Variants in ZC3H6 observed in about 807,000 individuals in gnomAD.
ZC3H6 encodes zinc finger CCCH-type containing 6.
ZC3H6 carries 40 observed loss-of-function variants against 107.7 expected under a neutral mutation model. The observed-to-expected ratio is 0.37, with a 90% CI of 0.29 to 0.48. The LOEUF is 0.48. Among genes scored for constraint, ZC3H6 ranks in the 20% least tolerant of loss-of-function variants. ZC3H6 has a pLI of 0.98. For missense variants in ZC3H6, 1,267 were observed against 1,410.4 expected (o/e 0.90, Z 1.63); for synonymous variants, 493 against 487.9 (o/e 1.01, Z -0.14).
chr2:112,288,992 AC>A (rs1002611527), intron 1 of ZC3H6, among the ~76,000 whole-genome samples: 23 of 126,820 alleles, frequency 1.8e-4, no homozygotes, highest in Non-Finnish European at 1.5e-4. Flanking sequence ...CTCACTGCCC[AC>A]CCCCCCGCCA....
At position 112,300,043 on chromosome 2, in the gene ZC3H6, T is replaced by C; in HGVS notation, c.213+14T>C. On this transcript the variant is annotated intron_variant, in intron 2 of 11. Transcript: ENST00000409871. ...GAGAAACATAAGGTTAGTTAGAATC[T>C]ACTTTTTATTCTTTTGATAAATGTT... 7.4e-7 allele frequency: 1 copy of C among 1,353,770 alleles called. No individual in the cohort carries two copies. Among genetic ancestry groups the C allele is most frequent in the Non-Finnish European group, 9.6e-7 (1 of 1,039,972 alleles). 83.9% of individuals were successfully genotyped at this position (1,353,770 alleles called of 1,614,324 possible). A position where few individuals can be genotyped will look rare whatever the true frequency, so the allele number is the denominator to read the frequency against.
intron 1 of ZC3H6, among the ~76,000 whole-genome samples, chr2:112,285,833 C>A (rs542710185): frequency 1.3e-5 from 2 of 151,968 alleles, no homozygotes; most frequent in Non-Finnish European, 2.9e-5. Context: ...TGGTGGCATG[C>A]GCCTGTAATC....
rs1265522012 is a variant in ZC3H6 at position 112,333,066 on chromosome 2, TGTC to T, written c.*579_*581del. The stretch of plus-strand genomic sequence containing the variant: ...TATTTGTGTAAATGAAGCATTTGAA[TGTC>T]ATATCTTTTTAAAGTATTTTATTGT... On this transcript the variant is annotated 3_prime_UTR_variant, in exon 12 of 12. Coordinates refer to ENST00000409871, the MANE Select transcript of ZC3H6 (RefSeq NM_198581.3). 1 of 152,652 alleles carries T rather than the reference TGTC, an allele frequency of 6.6e-6. No homozygotes were observed. Among genetic ancestry groups the T allele is most frequent in the African/African-American group, 2.4e-5 (1 of 41,466 alleles). The allele number at this position is 152,652 out of a possible 1,614,324, so 9.5% of individuals were successfully genotyped here.
chr2:112,313,714 A>C (rs1247811235), intron 5 of ZC3H6, among the ~76,000 whole-genome samples: 1 of 152,218 alleles, frequency 6.6e-6, no homozygotes, highest in Admixed American at 6.5e-5. Context: ...GAGCCCACGG[A>C]AGCAGTTCAT....
chr2:112,301,884 G>A (rs1377114189), intron 2 of ZC3H6, among the ~76,000 whole-genome samples: 1 of 151,820 alleles, frequency 6.6e-6, no homozygotes, highest in Admixed American at 6.6e-5. Context: ...AAAAATAAAT[G>A]TATATATGCT....
chr2:112,295,306 TATCTA>T (rs1342425933), intron 1 of ZC3H6, among the ~76,000 whole-genome samples: 10 of 152,182 alleles, frequency 6.6e-5, no homozygotes, highest in South Asian at 6.2e-4. Flanking sequence ...CTGAGGAACT[TATCTA>T]TTTGATGTAT....
chr2:112,322,595 A>T (rs1428664241), intron 8 of ZC3H6, 54 bp from the exon 9 acceptor site: 6 of 1,533,532 alleles, frequency 3.9e-6, no homozygotes, highest in Middle Eastern at 1.8e-4. Flanking sequence ...TTCTAGTTTT[A>T]AATGTGAGGA....
intron 1 of ZC3H6, among the ~76,000 whole-genome samples, chr2:112,278,310 TTTTATTTTA>T (rs1233261674): frequency 6.6e-6 from 1 of 152,186 alleles, no homozygotes; most frequent in Non-Finnish European, 1.5e-5. Flanking sequence ...GTCTCAAGGA[TTTTATTTTA>T]TTTATTTTAT....
chr2:112,303,999 A>G (rs140712807), intron 3 of ZC3H6, among the ~76,000 whole-genome samples: 52 of 152,348 alleles, frequency 3.4e-4, no homozygotes, highest in African/African-American at 1.2e-3. Context: ...TGGCTGCACT[A>G]TTTTACATTA....
rs149487510 is a variant in ZC3H6, at chr2:112,339,353, T to C, written c.*6865T>C. On this transcript the variant is annotated 3_prime_UTR_variant, in exon 12 of 12. Transcript: ENST00000409871. ...TGATAGAAAAATATCTTTTCAAGGG[T>C]AGAATGATATTTCCTTATAAAAGTG... The C allele has an allele frequency of 2.6e-5, 4 of 152,284 alleles. No homozygotes were observed. Among genetic ancestry groups the C allele is most frequent in the Non-Finnish European group, 5.9e-5 (4 of 68,018 alleles). The allele number at this position is 152,284 out of a possible 1,614,324, so 9.4% of individuals were successfully genotyped here. A position where few individuals can be genotyped will look rare whatever the true frequency, so the allele number is the denominator to read the frequency against.
Position 112,275,937 on chromosome 2 carries a change from C to T in ZC3H6, c.-58C>T. 7.4e-6 allele frequency: 11 copies of T among 1,487,336 alleles called. No individual in the cohort carries two copies. In the South Asian group the frequency reaches 7.7e-5, roughly 10 times the overall value. The allele number at this position is 1,487,336 out of a possible 1,614,324, so 92.1% of individuals were successfully genotyped here. ...GCGGCGCGGGGGGTCTTCCCCGCGCCCCGCCGCCGCCGGCCTCGCAGACCT... is the reference window on the plus strand; with the variant it reads ...GCGGCGCGGGGGGTCTTCCCCGCGCTCCGCCGCCGCCGGCCTCGCAGACCT... On this transcript the variant is annotated 5_prime_UTR_variant, in exon 1 of 12. Transcript: ENST00000409871.
chr2:112,279,422 T>G (rs1462382775), intron 1 of ZC3H6, among the ~76,000 whole-genome samples: 1 of 152,238 alleles, frequency 6.6e-6, no homozygotes, highest in Non-Finnish European at 1.5e-5. Context: ...TTTGTAGGGC[T>G]TGTACTGGGG....
intron 10 of ZC3H6, 53 bp from the exon 11 acceptor site, chr2:112,324,911 G>C (rs1176727764): frequency 6.8e-7 from 1 of 1,473,076 alleles, no homozygotes; most frequent in Non-Finnish European, 9.3e-7. Context: ...TCTTATGACT[G>C]GTGAAGTTTT....
chr2:112,315,008 A>G (rs7607931), intron 5 of ZC3H6, among the ~76,000 whole-genome samples: 1,633 of 152,270 alleles, frequency 0.011, 42 homozygotes, highest in African/African-American at 0.038. Context: ...TATTGCCTCA[A>G]TGTTTGCTGT....
At chr2:112,322,205 C>G (rs547193167) in intron 8 of ZC3H6, among the ~76,000 whole-genome samples, 1 of 150,380 alleles carries the variant, frequency 6.6e-6, no homozygotes, top group Admixed American at 6.7e-5. Flanking sequence ...CTCTCTCTCT[C>G]TCTCTGTCTC....
chr2:112,299,127 A>T (rs1573953258), intron 1 of ZC3H6, among the ~76,000 whole-genome samples: 1 of 152,072 alleles, frequency 6.6e-6, no homozygotes, highest in East Asian at 1.9e-4. Flanking sequence ...AATACAAAAA[A>T]TTAGCCGGGC....
At chr2:112,306,381 C>T (rs1200231542) in intron 3 of ZC3H6, among the ~76,000 whole-genome samples, 1 of 152,112 alleles carries the variant, frequency 6.6e-6, no homozygotes, top group Non-Finnish European at 1.5e-5. Flanking sequence ...CCATGTTGGC[C>T]AGGCTGGTCT....
intron 5 of ZC3H6, among the ~76,000 whole-genome samples, chr2:112,315,458 A>AT (rs1241942885): frequency 2.0e-5 from 3 of 152,012 alleles, no homozygotes; most frequent in African/African-American, 7.2e-5. Context: ...AAAATCTCTA[A>AT]TCCTGCCATC....
intron 1 of ZC3H6, among the ~76,000 whole-genome samples, chr2:112,291,009 G>A (rs1030537818): frequency 1.1e-4 from 16 of 152,300 alleles, no homozygotes; most frequent in Non-Finnish European, 5.9e-5. Context: ...AAAAAAGTGT[G>A]CTTTTCTTGA....
Sources: allele counts gnomAD v4.1 joint callset (sites outside exome capture counted in the v4.1 genomes callset), GRCh38; gene constraint gnomAD v4.1.1; transcripts MANE v1.5; gene names NCBI Gene and HGNC (gene_info 2026-07-23, HGNC 2026-07-21).